Variants in DGKB observed in about 807,000 individuals in gnomAD.
The protein encoded by DGKB is 90 kDa diacylglycerol kinase.
A neutral mutation model predicts 114.3 loss-of-function variants in DGKB; 67 were observed. That is an observed-to-expected ratio of 0.59 (90% CI 0.48 to 0.72). The LOEUF is 0.72. Ranked by LOEUF, DGKB falls within the 30% of genes least tolerant of loss-of-function variation. DGKB has a pLI of 0.00. For synonymous variants in DGKB, 398 were observed against 323.1 expected (o/e 1.23, Z -2.49); for missense variants, 907 against 975.2 (o/e 0.93, Z 0.93).
chr7:14,457,773 C>T (rs565749681), intron 21 of DGKB, among the ~76,000 whole-genome samples: 3 of 152,298 alleles, frequency 2.0e-5, no homozygotes, highest in South Asian at 2.1e-4. Context: ...AGATTGCTAA[C>T]ATTTTAGCAT....
chr7:14,797,402 A>G (rs1179328977), intron 2 of DGKB, among the ~76,000 whole-genome samples: 4 of 152,188 alleles, frequency 2.6e-5, no homozygotes, highest in Non-Finnish European at 1.5e-5. Flanking sequence ...CAAGGAAACC[A>G]AAATAATTCA....
intron 13 of DGKB, among the ~76,000 whole-genome samples, chr7:14,652,504 A>T (rs1814771588): frequency 6.6e-6 from 1 of 152,080 alleles, no homozygotes; most frequent in Non-Finnish European, 1.5e-5. Flanking sequence ...TCAATTCAAG[A>T]TGGATTAAAG....
intron 2 of DGKB, among the ~76,000 whole-genome samples, chr7:14,807,289 T>A (rs961070667): frequency 2.6e-5 from 4 of 152,038 alleles, no homozygotes; most frequent in Non-Finnish European, 4.4e-5. Context: ...AGAACTGAGA[T>A]GATTTCTTAT....
At chr7:14,587,569 A>G (rs1195872114) in intron 17 of DGKB, among the ~76,000 whole-genome samples, 1 of 152,108 alleles carries the variant, frequency 6.6e-6, no homozygotes, top group Admixed American at 6.6e-5. Context: ...GATGCTAGCA[A>G]ACAGCATCAC....
chr7:14,631,848 C>T (rs554009959), intron 13 of DGKB, among the ~76,000 whole-genome samples: 1 of 152,018 alleles, frequency 6.6e-6, no homozygotes, highest in Admixed American at 6.6e-5. Context: ...ATAATATATA[C>T]AAGTTTGTTC....
At chr7:14,810,166 T>C (rs1843246753) in intron 2 of DGKB, among the ~76,000 whole-genome samples, 1 of 152,226 alleles carries the variant, frequency 6.6e-6, no homozygotes, top group East Asian at 1.9e-4. Flanking sequence ...CTAGGAAATA[T>C]GATCCTTAAA....
At chr7:14,356,012 G>A (rs1023388855) in intron 21 of DGKB, among the ~76,000 whole-genome samples, 1 of 152,112 alleles carries the variant, frequency 6.6e-6, no homozygotes, top group African/African-American at 2.4e-5. Context: ...TTGGGAGGGT[G>A]CATGTGTCCA....
chr7:14,216,133 C>T (rs1788922102), intron 23 of DGKB, among the ~76,000 whole-genome samples: 1 of 151,846 alleles, frequency 6.6e-6, no homozygotes, highest in South Asian at 2.1e-4. Flanking sequence ...TAAAATATAA[C>T]AAATGCCATT....
At position 14,276,443 on chromosome 7, in the gene DGKB, G is replaced by A. The variant is rs548557281; in HGVS notation, c.2122+62072C>T. Reference sequence around the variant, plus strand: ...CATGATAGAATACTGTAATGCCATTGCCATCATATTTTTAAAAACATTTCC... The same window carrying A: ...CATGATAGAATACTGTAATGCCATTACCATCATATTTTTAAAAACATTTCC... On this transcript the variant is annotated intron_variant, in intron 23 of 25. Coordinates refer to ENST00000402815, the MANE Select transcript of DGKB (RefSeq NM_001350709.2). Among the ~76,000 whole-genome samples the A allele has an allele frequency of 6.6e-5, 10 of 152,146 alleles. No individual in the cohort carries two copies. In the South Asian group the frequency reaches 1.5e-3, roughly 22 times the overall value.
At chr7:14,316,056 G>A (rs1379948437) in intron 23 of DGKB, among the ~76,000 whole-genome samples, 1 of 150,656 alleles carries the variant, frequency 6.6e-6, no homozygotes, top group Non-Finnish European at 1.5e-5. Flanking sequence ...CGAAATGAAG[G>A]CAGAAATAAA....
intron 23 of DGKB, among the ~76,000 whole-genome samples, chr7:14,258,202 C>T (rs38285): frequency 2.6e-5 from 4 of 151,966 alleles, no homozygotes; most frequent in Non-Finnish European, 4.4e-5. Flanking sequence ...TAGAACAGTA[C>T]GACTTTGTGA....
intron 17 of DGKB, among the ~76,000 whole-genome samples, chr7:14,599,037 T>C (rs570002663): frequency 6.9e-4 from 105 of 152,342 alleles, no homozygotes; most frequent in Admixed American, 1.6e-3. Flanking sequence ...AAATAGTTTA[T>C]TTTTGGTCAC....
intron 5 of DGKB, among the ~76,000 whole-genome samples, chr7:14,720,565 G>A (rs892185105): frequency 2.1e-4 from 31 of 150,222 alleles, no homozygotes; most frequent in African/African-American, 7.1e-4. Flanking sequence ...GGCTGGTCTC[G>A]AATTCCTGAC....
chr7:14,731,123 G>A (rs1292432737), intron 5 of DGKB, among the ~76,000 whole-genome samples: 1 of 152,146 alleles, frequency 6.6e-6, no homozygotes, highest in Non-Finnish European at 1.5e-5. Context: ...GAAGGTGGGA[G>A]GATTCCAGTA....
At chr7:14,478,040 A>ACG in intron 21 of DGKB, 121 bp downstream of exon 21, 3 of 558,532 alleles carry the variant, frequency 5.4e-6, no homozygotes, top group Non-Finnish European at 6.3e-6. Context: ...ACACACACAC[A>ACG]CACACGCACA....
At chr7:14,528,650 T>C (rs577273608) in intron 20 of DGKB, among the ~76,000 whole-genome samples, 3 of 151,954 alleles carry the variant, frequency 2.0e-5, no homozygotes, top group Non-Finnish European at 4.4e-5. Context: ...ACACATTCTA[T>C]GGAGTGAAAA....
At chr7:14,356,822 GA>G (rs1375387162) in intron 21 of DGKB, among the ~76,000 whole-genome samples, 1 of 152,068 alleles carries the variant, frequency 6.6e-6, no homozygotes, top group Non-Finnish European at 1.5e-5. Flanking sequence ...TGGTTTCAAA[GA>G]ACATCTTTAT....
chr7:14,869,985 A>T (rs538345121), intron 1 of DGKB, among the ~76,000 whole-genome samples: 2 of 151,964 alleles, frequency 1.3e-5, no homozygotes, highest in Non-Finnish European at 2.9e-5. Flanking sequence ...TCTCTATTTT[A>T]AAATTTTTAT....
chr7:14,262,085 T>C (rs1796860755), intron 23 of DGKB, among the ~76,000 whole-genome samples: 1 of 152,112 alleles, frequency 6.6e-6, no homozygotes, highest in Admixed American at 6.6e-5. Flanking sequence ...GGAGAAAGTA[T>C]AAGTAAGGCA....
Sources: allele counts gnomAD v4.1 joint callset (sites outside exome capture counted in the v4.1 genomes callset), GRCh38; gene constraint gnomAD v4.1.1; transcripts MANE v1.5; gene names NCBI Gene and HGNC (gene_info 2026-07-23, HGNC 2026-07-21).